The following GALNT13 variants were observed in gnomAD, a reference collection of about 807,000 sequenced individuals.
GALNT13 encodes UDP-GalNAc:polypeptide N-acetylgalactosaminyltransferase 13.
In GALNT13, 28 loss-of-function variants were observed where a neutral mutation model predicts 64.2. That is an observed-to-expected ratio of 0.44 (90% CI 0.32 to 0.60). GALNT13 has a LOEUF of 0.60. GALNT13 is among the 20% of genes least tolerant of loss of function. GALNT13 has a pLI of 0.05. For synonymous variants in GALNT13, 214 were observed against 224.6 expected (o/e 0.95, Z 0.42); for missense variants, 577 against 669.8 (o/e 0.86, Z 1.53).
the GALNT13 span, among the ~76,000 whole-genome samples, chr2:153,600,380 T>C: frequency 6.6e-6 from 1 of 152,082 alleles, no homozygotes; most frequent in Non-Finnish European, 1.5e-5. Context: ...TTGCTTTTTG[T>C]AAATATCTAA....
At chr2:153,285,695 A>C in the GALNT13 span, among the ~76,000 whole-genome samples, 2 of 152,164 alleles carry the variant, frequency 1.3e-5, no homozygotes, top group Admixed American at 6.5e-5. Context: ...CTAAATGTCA[A>C]AACAATAGAG....
chr2:153,416,514 T>A, the GALNT13 span, among the ~76,000 whole-genome samples: 2 of 152,208 alleles, frequency 1.3e-5, no homozygotes, highest in African/African-American at 4.8e-5. Flanking sequence ...GTTTTTATAG[T>A]TTTGGTTTGT....
rs1694612021 is a variant in GALNT13 at position 154,321,311 on chromosome 2, T to C, written c.1156+19722T>C. On this transcript the variant is annotated intron_variant, in intron 9 of 12. Transcript: ENST00000392825. ...GGAGCTTTGGTCATGTGACTCATGG[T>C]CTTTCTTTCTCCTATCCTATAATCT... Among the ~76,000 whole-genome samples, 3 of 152,154 alleles carry C rather than the reference T, an allele frequency of 2.0e-5. No individual in the cohort carries two copies. In the South Asian group the frequency reaches 6.2e-4, roughly 31 times the overall value.
chr2:153,135,201 T>C, the GALNT13 span, among the ~76,000 whole-genome samples: 1 of 152,104 alleles, frequency 6.6e-6, no homozygotes, highest in Non-Finnish European at 1.5e-5. Context: ...TATCTCTTCT[T>C]CTTTCATATA....
the GALNT13 span, among the ~76,000 whole-genome samples, chr2:153,702,484 A>T: frequency 1.7e-4 from 26 of 152,116 alleles, no homozygotes; most frequent in Admixed American, 3.9e-4. Flanking sequence ...ATAAATAAAA[A>T]ATAAGAGCTT....
chr2:154,063,629 A>G (rs763727913), intron 3 of GALNT13, among the ~76,000 whole-genome samples: 4 of 152,182 alleles, frequency 2.6e-5, no homozygotes, highest in Admixed American at 2.6e-4. Flanking sequence ...TTATTATCCA[A>G]CACCAGAGGT....
chr2:153,289,914 G>A, the GALNT13 span, among the ~76,000 whole-genome samples: 2 of 152,236 alleles, frequency 1.3e-5, no homozygotes, highest in South Asian at 4.1e-4. Flanking sequence ...ATGATGGTCA[G>A]GAACATGAAA....
the GALNT13 span, among the ~76,000 whole-genome samples, chr2:153,206,137 A>T: frequency 6.6e-6 from 1 of 152,126 alleles, no homozygotes; most frequent in Non-Finnish European, 1.5e-5. Flanking sequence ...AAAAGTACAG[A>T]GCCTGGTACT....
At chr2:153,851,528 C>T in the GALNT13 span, among the ~76,000 whole-genome samples, 1 of 148,280 alleles carries the variant, frequency 6.7e-6, no homozygotes, top group East Asian at 1.9e-4. Flanking sequence ...ATAGTGAGAC[C>T]TTGTGTTTCC....
chr2:153,079,552 C>G, the GALNT13 span, among the ~76,000 whole-genome samples: 928 of 152,228 alleles, frequency 6.1e-3, 8 homozygotes, highest in African/African-American at 0.021. Flanking sequence ...AGTTCACATT[C>G]TGTGTTTTAT....
chr2:154,242,996 T>A, intron 6 of GALNT13, 91 bp downstream of exon 6: 1 of 1,067,490 alleles, frequency 9.4e-7, no homozygotes, highest in Non-Finnish European at 1.4e-6. Flanking sequence ...TCCAAGTTGC[T>A]ATTTTTAGAA....
the GALNT13 span, among the ~76,000 whole-genome samples, chr2:153,253,996 A>G: frequency 6.6e-6 from 1 of 152,078 alleles, no homozygotes; most frequent in Non-Finnish European, 1.5e-5. Context: ...ATGAGTTAGG[A>G]CAGATTCCCT....
At chr2:153,685,737 C>T in the GALNT13 span, among the ~76,000 whole-genome samples, 1 of 151,964 alleles carries the variant, frequency 6.6e-6, no homozygotes, top group African/African-American at 2.4e-5. Context: ...GATATCGTTG[C>T]CCGTGCTTAT....
intron 2 of GALNT13, among the ~76,000 whole-genome samples, chr2:153,901,646 G>A (rs1243629158): frequency 6.6e-6 from 1 of 152,092 alleles, no homozygotes; most frequent in Non-Finnish European, 1.5e-5. Flanking sequence ...CTGCCCTGAT[G>A]AAGTGTTCTG....
chr2:154,027,735 A>G (rs1302590547), intron 3 of GALNT13, among the ~76,000 whole-genome samples: 2 of 152,174 alleles, frequency 1.3e-5, no homozygotes, highest in South Asian at 4.1e-4. Flanking sequence ...TATAATATCT[A>G]TAAATATCAT....
chr2:154,431,796 G>C (rs887704318), intron 11 of GALNT13, among the ~76,000 whole-genome samples: 1 of 152,070 alleles, frequency 6.6e-6, no homozygotes, highest in Non-Finnish European at 1.5e-5. Context: ...TAAGTCTCAC[G>C]AGAGCTGATG....
At chr2:153,327,796 C>T in the GALNT13 span, among the ~76,000 whole-genome samples, 1 of 152,000 alleles carries the variant, frequency 6.6e-6, no homozygotes, top group Non-Finnish European at 1.5e-5. Flanking sequence ...CTACTTCTGT[C>T]AATTCGTCAA....
At chr2:153,765,850 G>T in the GALNT13 span, among the ~76,000 whole-genome samples, 1 of 152,170 alleles carries the variant, frequency 6.6e-6, no homozygotes, top group Non-Finnish European at 1.5e-5. Context: ...TAAGTCTCAT[G>T]AGAGCTGATG....
the GALNT13 span, among the ~76,000 whole-genome samples, chr2:153,343,167 C>A: frequency 9.2e-5 from 14 of 151,964 alleles, no homozygotes; most frequent in Admixed American, 4.6e-4. Context: ...GCTGGTGCAC[C>A]ATAACTATGA....
Sources: gnomAD v4.1 joint callset for allele counts (sites outside exome capture counted in the v4.1 genomes callset) on GRCh38, gnomAD v4.1.1 for gene constraint, MANE v1.5 for transcripts, NCBI Gene and HGNC (gene_info 2026-07-23, HGNC 2026-07-21) for gene names.